Variants in FGFR3 observed in about 807,000 individuals in gnomAD.
FGFR3 encodes the protein FGFR-3.
A neutral mutation model predicts 82.9 loss-of-function variants in FGFR3; 25 were observed. That is an observed-to-expected ratio of 0.30 (90% CI 0.22 to 0.42). The LOEUF is 0.42. FGFR3 is among the 10% of genes least tolerant of loss of function. FGFR3 has a pLI of 1.00. For missense variants in FGFR3, 1,026 were observed against 1,161.0 expected (o/e 0.88, Z 1.69); for synonymous variants, 620 against 516.0 (o/e 1.20, Z -2.73).
At chr4:1,794,136 G>T in intron 2 of FGFR3, 93 bp downstream of exon 2, 1 of 639,700 alleles carries the variant, frequency 1.6e-6, no homozygotes, top group South Asian at 4.8e-5. Context: ...GGGGCCGCCG[G>T]GTGTGAGTGA....
chr4:1,798,111 C>T (rs905618325), intron 2 of FGFR3, among the ~76,000 whole-genome samples: 24 of 152,068 alleles, frequency 1.6e-4, no homozygotes, highest in Admixed American at 1.4e-3. Flanking sequence ...TCCCCCCAGC[C>T]CTGCCCATGG....
rs1259385466 is a variant in FGFR3 at position 1,793,941 on chromosome 4, G to C, written c.7G>C (p.Ala3Pro). 1 of 1,318,272 alleles carries C rather than the reference G, an allele frequency of 7.6e-7. No homozygotes were observed. Among genetic ancestry groups the C allele is most frequent in the Admixed American group, 3.3e-5 (1 of 30,206 alleles). The allele number at this position is 1,318,272 out of a possible 1,614,324, so 81.7% of individuals were successfully genotyped here. The change falls in exon 2 of 18, where the codon GCC (alanine) becomes CCC (proline). Residue 3 changes from alanine (A) to proline (P), a missense_variant. Around this residue, in one of 9 missense-constraint regions of FGFR3, gnomAD observed 226 missense variants for 222.0 expected, o/e 1.02. Coordinates refer to ENST00000440486, the MANE Select transcript of FGFR3 (RefSeq NM_000142.5). ...CGCGGCCCCCGCCCCCGCCATGGGC[G>C]CCCCTGCCTGCGCCCTCGCGCTCTG... MGAPACALALCVA... is the reference protein window; with the variant it reads MGPPACALALCVA...
chr4:1,807,465 C>T lies in FGFR3; in HGVS notation c.*203C>T, dbSNP rs949018307. The T allele has an allele frequency of 1.7e-5, 14 of 809,398 alleles. No individual in the cohort carries two copies. The highest frequency in any genetic ancestry group is 2.7e-5 in the Non-Finnish European group (13 of 483,690). 50.1% of individuals were successfully genotyped at this position (809,398 alleles called of 1,614,324 possible). A position where few individuals can be genotyped will look rare whatever the true frequency, so the allele number is the denominator to read the frequency against. ...TGCGTGCGCATCTTGCCTCCAGGTG[C>T]AGAGGTACCCTGGGTGTCCCCGCTG... On this transcript the variant is annotated 3_prime_UTR_variant, in exon 18 of 18. Coordinates refer to ENST00000440486, the MANE Select transcript of FGFR3 (RefSeq NM_000142.5).
intron 8 of FGFR3, 125 bp from the exon 9 acceptor site, chr4:1,804,205 G>A: frequency 9.2e-7 from 1 of 1,085,938 alleles, no homozygotes; most frequent in East Asian, 2.4e-5. Flanking sequence ...TCCAGACAAG[G>A]CGCGTGCTGA....
At chr4:1,794,412 T>C (rs1295879833) in intron 2 of FGFR3, among the ~76,000 whole-genome samples, 1 of 152,090 alleles carries the variant, frequency 6.6e-6, no homozygotes, top group African/African-American at 2.4e-5. Context: ...TTCCCATTGT[T>C]GGCGTCCCCC....
At position 1,806,100 on chromosome 4, in the gene FGFR3, A is replaced by G. The variant is rs1355392053; in HGVS notation, c.1886A>G (p.Asn629Ser). Residue 629 changes from asparagine to serine, a missense_variant, in exon 14 of 18, where the codon AAC (asparagine) becomes AGC (serine). Transcript: ENST00000440486. The part of the protein sequence containing the change: ...AARNVLVTED[N>S]VMKIADFGLA... ...CGCAATGTGCTGGTGACCGAGGACA[A>G]CGTGATGAAGATCGCAGACTTCGGG... 3.7e-6 allele frequency: 6 copies of G among 1,613,700 alleles called. 1 individual carries two copies. The highest frequency in any genetic ancestry group is 3.3e-5 in the South Asian group (3 of 91,086).
chr4:1,798,643 C>T (rs1577265402), intron 2 of FGFR3, among the ~76,000 whole-genome samples: 2 of 150,888 alleles, frequency 1.3e-5, no homozygotes, highest in African/African-American at 4.9e-5. Context: ...CACCTCCTTC[C>T]TTCTCGCCTG....
At position 1,805,560 on chromosome 4, in the gene FGFR3, C is replaced by T. The variant is rs754606269; in HGVS notation, c.1536C>T (p.Asp512=). The T allele has an allele frequency of 9.9e-6, 16 of 1,612,968 alleles. No homozygotes were observed. Among genetic ancestry groups the T allele is most frequent in the East Asian group, 4.5e-5 (2 of 44,888 alleles). The change falls in exon 12 of 18, where the codon GAC becomes GAT. Residue 512 remains aspartate, a splice_region_variant and synonymous_variant. Coordinates refer to ENST00000440486, the MANE Select transcript of FGFR3 (RefSeq NM_000142.5). ...ACAGGCCCCCCGCTCCGTGCACAGA[C>T]GATGCCACTGACAAGGACCTGTCGG... is the stretch of plus-strand genomic sequence containing the variant. ...PVTVAVKMLK[D]DATDKDLSDL... is the part of the protein sequence containing the mutation.
rs2305186 is a variant in FGFR3, at chr4:1,805,499, T to A, written c.1534+23T>A. 427 of 1,612,240 alleles carry A rather than the reference T, an allele frequency of 2.6e-4. 4 individuals are homozygous for A. In the East Asian group the frequency reaches 9.4e-3, roughly 36 times the overall value. On this transcript the variant is annotated intron_variant, in intron 11 of 17. Coordinates refer to ENST00000440486, the MANE Select transcript of FGFR3 (RefSeq NM_000142.5). ...AAGGTGAGGAGGGGGCGGCCAGGGG[T>A]GCAGAGCAGGGCTGGGGGCGCCGCC...
At chr4:1,804,034 C>T (rs954145986) in intron 8 of FGFR3, among the ~76,000 whole-genome samples, 198 bp downstream of exon 8, 13 of 152,224 alleles carry the variant, frequency 8.5e-5, no homozygotes, top group Middle Eastern at 3.2e-3. Context: ...CCCCCTCAGC[C>T]CCCTCGAGCC....
chr4:1,800,300 G>A (rs1577270758), intron 4 of FGFR3, among the ~76,000 whole-genome samples: 1 of 152,068 alleles, frequency 6.6e-6, no homozygotes, highest in African/African-American at 2.4e-5. Context: ...AGCAGTCGGG[G>A]ACGATGCCTG....
rs2108812173 is a variant in FGFR3, at chr4:1,806,626, T to A, written c.2111T>A (p.Phe704Tyr). ...PYPGIPVEEL[F>Y]KLLKEGHRMD... Reference sequence around the variant, plus strand: ...CCCGGCATCCCTGTGGAGGAGCTCTTCAAGCTGCTGAAGGAGGGCCACCGC... The same window carrying A: ...CCCGGCATCCCTGTGGAGGAGCTCTACAAGCTGCTGAAGGAGGGCCACCGC... The change falls in exon 16 of 18, where the codon TTC becomes TAC. Residue 704 changes from phenylalanine to tyrosine, a missense_variant. Phe to Tyr is a conservative substitution (Grantham distance 22). Coordinates refer to ENST00000440486, the MANE Select transcript of FGFR3 (RefSeq NM_000142.5). 6.2e-7 allele frequency: 1 copy of A among 1,613,092 alleles called. No homozygotes were observed.
intron 2 of FGFR3, 61 bp from the exon 3 acceptor site, chr4:1,799,193 T>C: frequency 6.2e-7 from 1 of 1,609,874 alleles, no homozygotes. Flanking sequence ...TCCACTGCTG[T>C]GTCTGTAAAC....
chr4:1,799,498 G>C lies in FGFR3; in HGVS notation c.354G>C (p.Leu118=), dbSNP rs1402119246. The change falls in exon 3 of 18, where the codon CTG becomes CTC. Residue 118 remains leucine, a synonymous_variant. Transcript: ENST00000440486. ...SCRQRLTQRV[L]CHFSVRVTDA... is the part of the protein sequence containing the mutation. ...GGCAGCGGCTCACGCAGCGCGTACT[G>C]TGCCACTTCAGTGTGCGGGTGACAG... 5.1e-6 allele frequency: 8 copies of C among 1,564,418 alleles called. No homozygotes were observed. In the South Asian group the frequency reaches 9.3e-5, roughly 18 times the overall value.
chr4:1,807,690 C>G lies in FGFR3; in HGVS notation c.*428C>G. On this transcript the variant is annotated 3_prime_UTR_variant, in exon 18 of 18. Transcript: ENST00000440486. The stretch of plus-strand genomic sequence containing the variant: ...GCCCCTCCCACACCCAAAGCTGAGC[C>G]TGCAGGGAAGCCCCACATGTCCAGC... 1.6e-6 allele frequency: 1 copy of G among 620,140 alleles called. No individual in the cohort carries two copies. Among genetic ancestry groups the G allele is most frequent in the Non-Finnish European group, 3.1e-6 (1 of 323,918 alleles). The allele number at this position is 620,140 out of a possible 1,614,324, so 38.4% of individuals were successfully genotyped here.
chr4:1,804,375 C>T lies in FGFR3; in HGVS notation c.1121C>T (p.Ala374Val), dbSNP rs2108796824. The T allele has an allele frequency of 6.2e-7, 1 of 1,612,740 alleles. No homozygotes were observed. Among genetic ancestry groups the T allele is most frequent in the Non-Finnish European group, 8.5e-7 (1 of 1,179,604 alleles). Residue 374 changes from alanine (A) to valine (V), a missense_variant, in exon 9 of 18, where the codon GCA becomes GTA. By Grantham distance (64) the Ala-to-Val change is moderately conservative (BLOSUM62 0). This residue lies in a region of FGFR3 where 256 missense variants were observed against 217.6 expected (regional missense o/e 1.18). Coordinates refer to ENST00000440486, the MANE Select transcript of FGFR3 (RefSeq NM_000142.5). ...GCTGACGAGGCGGGCAGTGTGTATG[C>T]AGGCATCCTCAGCTACGGGGTGGGC... ...VEADEAGSVY[A>V]GILSYGVGFF...
rs1721870554 is a variant in FGFR3 at position 1,806,039 on chromosome 4, C to T, written c.1837-12C>T. ...GGAGAGGCTTCAGCCCTGCCTCCCA[C>T]CCCTTCCCCAGTGCATCCACAGGGA... On this transcript the variant is annotated splice_polypyrimidine_tract_variant and intron_variant, in intron 13 of 17. Coordinates refer to ENST00000440486, the MANE Select transcript of FGFR3 (RefSeq NM_000142.5). 1.9e-6 allele frequency: 3 copies of T among 1,613,246 alleles called. No homozygotes were observed. The highest frequency in any genetic ancestry group is 2.5e-6 in the Non-Finnish European group (3 of 1,179,910).
At chr4:1,794,558 C>T (rs1274480918) in intron 2 of FGFR3, among the ~76,000 whole-genome samples, 1 of 152,178 alleles carries the variant, frequency 6.6e-6, no homozygotes, top group East Asian at 1.9e-4. Context: ...CGCTGCCGAC[C>T]CTGCCCCTGC....
chr4:1,806,416 C>T, intron 15 of FGFR3, 89 bp downstream of exon 15: 3 of 1,602,480 alleles, frequency 1.9e-6, no homozygotes, highest in African/African-American at 1.3e-5. Context: ...GGCCTGTGCC[C>T]TGGAGCTCCT....
Sources: allele counts gnomAD v4.1 joint callset (sites outside exome capture counted in the v4.1 genomes callset), GRCh38; gene constraint gnomAD v4.1.1; regional missense constraint gnomAD v4.1.1; transcripts MANE v1.5; gene names NCBI Gene and HGNC (gene_info 2026-07-23, HGNC 2026-07-21).